The following DNAH5 variants were observed in gnomAD, a reference collection of about 807,000 sequenced individuals.
DNAH5 encodes the protein axonemal beta dynein heavy chain 5.
Under a neutral mutation model 518.2 loss-of-function variants are expected in DNAH5, and 372 were observed. The observed-to-expected ratio is 0.72, with a 90% CI of 0.66 to 0.78. The LOEUF is 0.78. DNAH5 is among the 30% of genes least tolerant of loss of function. DNAH5 has a pLI of 0.00. For synonymous variants in DNAH5, 2,039 were observed against 2,025.9 expected, an observed-to-expected ratio of 1.01 and a Z score of -0.17; for missense variants, 5,523 against 5,687.0, an observed-to-expected ratio of 0.97 and a Z score of 0.93.
intron 1 of DNAH5, among the ~76,000 whole-genome samples, chr5:14,001,671 T>C (rs949870927): frequency 6.7e-6 from 1 of 149,274 alleles, no homozygotes; most frequent in African/African-American, 2.5e-5. Flanking sequence ...CCTAGTTTTT[T>C]TCTTTTCTTT....
chr5:13,725,349 T>C (rs1745577622), intron 70 of DNAH5, among the ~76,000 whole-genome samples: 1 of 152,234 alleles, frequency 6.6e-6, no homozygotes, highest in African/African-American at 2.4e-5. Flanking sequence ...GTGCATTCTA[T>C]GCAGAAGAAA....
chr5:13,821,659 T>C (rs1483167197), intron 40 of DNAH5, among the ~76,000 whole-genome samples: 1 of 152,206 alleles, frequency 6.6e-6, no homozygotes, highest in Non-Finnish European at 1.5e-5. Context: ...TACGTAATGA[T>C]TTCAATTTTA....
rs371700933 is a variant in DNAH5 at position 13,865,885 on chromosome 5, G to A, written c.4138C>T (p.Arg1380Trp). 9.4e-6 allele frequency: 15 copies of A among 1,601,224 alleles called. No homozygotes were observed. Among genetic ancestry groups the A allele is most frequent in the Admixed American group, 6.7e-5 (4 of 59,954 alleles). Residue 1380 changes from arginine (R) to tryptophan (W), a missense_variant, in exon 27 of 79, where the codon CGG (arginine) becomes TGG (tryptophan). Transcript: ENST00000265104. Reference protein sequence around the residue: ...MFQNQFDNIYRKYITYTGGEE... With the variant: ...MFQNQFDNIYWKYITYTGGEE... ...CCTCCAGTATATGTGATGTATTTCC[G>A]ATAGATATTATCAAATTGATTCTAA...
At chr5:13,907,203 G>A (rs1041148778) in intron 12 of DNAH5, among the ~76,000 whole-genome samples, 1 of 152,154 alleles carries the variant, frequency 6.6e-6, no homozygotes, top group African/African-American at 2.4e-5. Context: ...GGCCAAGGCA[G>A]GTGGATCACT....
chr5:13,900,924 GT>G (rs1774520482), intron 14 of DNAH5, among the ~76,000 whole-genome samples: 1 of 152,174 alleles, frequency 6.6e-6, no homozygotes. Context: ...ATGTGCTAGT[GT>G]TTACTGACAT....
At chr5:13,749,837 C>T (rs897284301) in intron 65 of DNAH5, among the ~76,000 whole-genome samples, 1 of 152,158 alleles carries the variant, frequency 6.6e-6, no homozygotes, top group African/African-American at 2.4e-5. Context: ...TCCTTCACCA[C>T]CTCTATTGAG....
At chr5:13,968,063 T>C (rs1307828337) in intron 1 of DNAH5, among the ~76,000 whole-genome samples, 1 of 152,154 alleles carries the variant, frequency 6.6e-6, no homozygotes, top group Non-Finnish European at 1.5e-5. Context: ...AAGTATTTTA[T>C]TTCATTTTTT....
intron 63 of DNAH5, 138 bp from the exon 64 acceptor site, chr5:13,752,427 T>C (rs1462707291): frequency 2.8e-6 from 3 of 1,055,506 alleles, no homozygotes; most frequent in Admixed American, 1.9e-5. Flanking sequence ...TGTTCCCAAA[T>C]ACAAAACTTG....
intron 12 of DNAH5, among the ~76,000 whole-genome samples, chr5:13,908,588 G>T (rs1429722443): frequency 4.6e-5 from 7 of 152,090 alleles, no homozygotes; most frequent in Non-Finnish European, 1.0e-4. Context: ...ATTAGTTTTG[G>T]GGTCTCAGCT....
chr5:13,882,875 A>T, intron 20 of DNAH5, 29 bp downstream of exon 20: 2 of 1,613,896 alleles, frequency 1.2e-6, no homozygotes. Flanking sequence ...TGGTTTCCAT[A>T]TGAAACCATT....
intron 1 of DNAH5, among the ~76,000 whole-genome samples, chr5:13,965,895 A>C (rs1476094029): frequency 6.6e-6 from 1 of 152,212 alleles, no homozygotes; most frequent in Non-Finnish European, 1.5e-5. Context: ...AGGTGTAACC[A>C]TAGATACCAC....
intron 38 of DNAH5, among the ~76,000 whole-genome samples, chr5:13,826,260 G>A (rs1031136311): frequency 6.6e-6 from 1 of 152,168 alleles, no homozygotes; most frequent in Non-Finnish European, 1.5e-5. Flanking sequence ...TAGGAGTGAG[G>A]GAAGTAGTGA....
At chr5:13,920,744 C>T (rs575166882) in intron 5 of DNAH5, 127 bp from the exon 6 acceptor site, 6 of 910,606 alleles carry the variant, frequency 6.6e-6, no homozygotes, top group Non-Finnish European at 1.1e-5. Flanking sequence ...GCACATACCT[C>T]CTCTCCACTC....
chr5:13,901,571 A>T lies in DNAH5; in HGVS notation c.1733T>A (p.Leu578Ter). The T allele has an allele frequency of 6.2e-7, 1 of 1,602,796 alleles. No individual in the cohort carries two copies. Among genetic ancestry groups the T allele is most frequent in the Non-Finnish European group, 8.5e-7 (1 of 1,173,794 alleles). ...ALRMLKKFERLNIPNLGIDDK... is the reference protein window; with the variant it reads ...ALRMLKKFER ...ATCAATACCAAGATTAGGTATATTC[A>T]ATCTGATTTTTTTAAAAAGTTAAAA... The change falls in exon 14 of 79, where the codon TTG (leucine) becomes TAG (stop). Residue 578 changes from leucine (L) to a stop codon, truncating the protein, a stop_gained and splice_region_variant. Transcript: ENST00000265104. LOFTEE classifies it high-confidence loss of function.
chr5:13,841,255 T>C, intron 33 of DNAH5, 125 bp from the exon 34 acceptor site: 1 of 779,754 alleles, frequency 1.3e-6, no homozygotes, highest in Non-Finnish European at 2.1e-6. Flanking sequence ...TCAACTTTGA[T>C]ACCTTTTTTC....
Position 13,886,007 on chromosome 5 carries a change from T to G in DNAH5, c.2700A>C (p.Lys900Asn), listed in dbSNP as rs745595467. Residue 900 changes from lysine to asparagine, a missense_variant, in exon 18 of 79, where the codon AAA (lysine) becomes AAC (asparagine). This residue lies in a region of DNAH5 where 5,121 missense variants were observed against 5,223.3 expected (regional missense o/e 0.98). Coordinates refer to ENST00000265104, the MANE Select transcript of DNAH5 (RefSeq NM_001369.3). ...VEVLSEEESE[K>N]ISNENSVNYK... Reference sequence around the variant, plus strand: ...AATTAACACTATTCTCATTGGATATTTTTTCACTTTCTTCTTCAGATAAAA... The same window carrying G: ...AATTAACACTATTCTCATTGGATATGTTTTCACTTTCTTCTTCAGATAAAA... The G allele has an allele frequency of 2.5e-6, 4 of 1,613,310 alleles. No individual in the cohort carries two copies. The highest frequency in any genetic ancestry group is 3.4e-6 in the Non-Finnish European group (4 of 1,179,874).
At chr5:13,741,141 A>T (rs1437729515) in intron 65 of DNAH5, among the ~76,000 whole-genome samples, 1 of 152,150 alleles carries the variant, frequency 6.6e-6, no homozygotes. Context: ...ATCTCTGAAA[A>T]CCATGACATT....
Position 13,751,228 on chromosome 5 carries a change from C to T in DNAH5, c.11061G>A (p.Leu3687=), listed in dbSNP as rs267600358. Residue 3687 remains leucine (L), a synonymous_variant, in exon 65 of 79, where the codon TTG becomes TTA. Coordinates refer to ENST00000265104, the MANE Select transcript of DNAH5 (RefSeq NM_001369.3). ...TGGTAATGTAGAGTCTAAAGCCATC[C>T]AACACATCTACTTCCTTGTCACCAA... ...VKVGDKEVDV[L]DGFRLYITTK... The T allele has an allele frequency of 6.2e-7, 1 of 1,613,726 alleles. No individual in the cohort carries two copies. The highest frequency in any genetic ancestry group is 1.1e-5 in the South Asian group (1 of 91,066).
intron 49 of DNAH5, among the ~76,000 whole-genome samples, chr5:13,792,588 C>A (rs934573418): frequency 6.6e-6 from 1 of 152,086 alleles, no homozygotes; most frequent in African/African-American, 2.4e-5. Context: ...ATTGCCTTTC[C>A]ACGCATTATA....
Sources: gnomAD v4.1 joint callset for allele counts (sites outside exome capture counted in the v4.1 genomes callset) on GRCh38, gnomAD v4.1.1 for gene constraint, gnomAD v4.1.1 regional missense constraint, MANE v1.5 for transcripts, NCBI Gene and HGNC (gene_info 2026-07-23, HGNC 2026-07-21) for gene names.